Variants in SIPA1L1 observed in about 807,000 individuals in gnomAD.
The protein encoded by SIPA1L1 is signal-induced proliferation-associated 1-like protein 1.
In SIPA1L1, 26 loss-of-function variants were observed where a neutral mutation model predicts 162.7. The observed-to-expected ratio is 0.16, with a 90% confidence interval of 0.12 to 0.22. The LOEUF is 0.22. Ranked by LOEUF, SIPA1L1 falls within the 10% of genes least tolerant of loss-of-function variation. The pLI is 1.00. For missense variants in SIPA1L1, 1,874 were observed against 2,241.0 expected (o/e 0.84, Z 3.31); for synonymous variants, 829 against 837.4 (o/e 0.99, Z 0.17).
At chr14:71,477,084 A>C (rs987234092) in intron 2 of SIPA1L1, among the ~76,000 whole-genome samples, 6 of 152,044 alleles carry the variant, frequency 3.9e-5, no homozygotes, top group Non-Finnish European at 7.4e-5. Flanking sequence ...GTGAAACCCC[A>C]TCTCTAAAAA....
intron 2 of SIPA1L1, among the ~76,000 whole-genome samples, chr14:71,398,938 T>C (rs1348314912): frequency 6.6e-6 from 1 of 152,360 alleles, no homozygotes; most frequent in Non-Finnish European, 1.5e-5. Flanking sequence ...GTTTCATAAG[T>C]GTTTGAATTA....
At chr14:71,325,344 A>G (rs925864542) in intron 2 of SIPA1L1, among the ~76,000 whole-genome samples, 3 of 152,240 alleles carry the variant, frequency 2.0e-5, no homozygotes, top group South Asian at 4.1e-4. Context: ...CTTAAATGAT[A>G]GCTCATTTAT....
intron 2 of SIPA1L1, among the ~76,000 whole-genome samples, chr14:71,386,670 C>T (rs2040347630): frequency 6.6e-6 from 1 of 152,164 alleles, no homozygotes; most frequent in African/African-American, 2.4e-5. Context: ...CAGATGAACC[C>T]TGTTTTACTT....
At chr14:71,391,754 A>T (rs2040779490) in intron 2 of SIPA1L1, among the ~76,000 whole-genome samples, 2 of 152,200 alleles carry the variant, frequency 1.3e-5, no homozygotes, top group South Asian at 4.1e-4. Context: ...AGGAGAGTAC[A>T]TTTTAAGGAG....
At position 71,681,181 on chromosome 14, in the gene SIPA1L1, C is replaced by T. The variant is rs118165204; in HGVS notation, c.3105-4181C>T. On this transcript the variant is annotated intron_variant, in intron 12 of 23. Coordinates refer to ENST00000381232, the MANE Select transcript of SIPA1L1 (RefSeq NM_001386936.1). ...GTCCTGGTAGACTTCACTGGAAAAC[C>T]TCCCTGGAGTGAGCAGGCCCCTTAT... Among the ~76,000 whole-genome samples, 20 of 152,276 alleles carry T rather than the reference C, an allele frequency of 1.3e-4. No homozygotes were observed. In the East Asian group the frequency reaches 3.7e-3, roughly 28 times the overall value.
At chr14:71,683,383 T>G (rs2045982741) in intron 12 of SIPA1L1, among the ~76,000 whole-genome samples, 1 of 152,196 alleles carries the variant, frequency 6.6e-6, no homozygotes, top group South Asian at 2.1e-4. Flanking sequence ...AACAAGAGCA[T>G]TGCTGAGGAG....
At chr14:71,710,249 T>C (rs2082766107) in intron 17 of SIPA1L1, among the ~76,000 whole-genome samples, 1 of 152,216 alleles carries the variant, frequency 6.6e-6, no homozygotes, top group Non-Finnish European at 1.5e-5. Flanking sequence ...CCTTTCAGAA[T>C]AGGAAAGTAC....
At chr14:71,708,015 G>GT (rs34838057) in intron 16 of SIPA1L1, among the ~76,000 whole-genome samples, 338 of 100,042 alleles carry the variant, frequency 3.4e-3, no homozygotes, top group Middle Eastern at 8.6e-3. Context: ...GTTTTTTGGT[G>GT]TTTTTTTTTT....
intron 2 of SIPA1L1, among the ~76,000 whole-genome samples, chr14:71,418,532 G>A (rs995589438): frequency 3.3e-5 from 5 of 152,146 alleles, no homozygotes; most frequent in African/African-American, 1.2e-4. Flanking sequence ...GGTGACATGA[G>A]CATTTTTGAA....
intron 9 of SIPA1L1, 64 bp downstream of exon 9, chr14:71,658,500 G>A (rs2043250103): frequency 2.8e-6 from 3 of 1,066,340 alleles, no homozygotes; most frequent in East Asian, 2.4e-5. Flanking sequence ...AGCCTAAGTG[G>A]CAAGTTTGTA....
intron 2 of SIPA1L1, among the ~76,000 whole-genome samples, chr14:71,475,812 A>G (rs569609767): frequency 5.3e-5 from 8 of 152,230 alleles, no homozygotes; most frequent in Non-Finnish European, 7.3e-5. Context: ...TTTAATGGTT[A>G]TTATTGTGTT....
At chr14:71,578,689 A>G (rs765223356) in intron 4 of SIPA1L1, among the ~76,000 whole-genome samples, 12 of 152,222 alleles carry the variant, frequency 7.9e-5, no homozygotes, top group Non-Finnish European at 1.5e-4. Flanking sequence ...ACTTTACTGT[A>G]TTTGTCAGTA....
chr14:71,419,714 G>T (rs1430712831), intron 2 of SIPA1L1, among the ~76,000 whole-genome samples: 1 of 151,776 alleles, frequency 6.6e-6, no homozygotes, highest in Non-Finnish European at 1.5e-5. Context: ...AGCCAGGATG[G>T]TCTTGATCTC....
At chr14:71,440,607 C>T (rs1275848378) in intron 2 of SIPA1L1, among the ~76,000 whole-genome samples, 3 of 124,386 alleles carry the variant, frequency 2.4e-5, no homozygotes, top group African/African-American at 9.2e-5. Context: ...TGAGATCACA[C>T]CACTGCACTT....
intron 2 of SIPA1L1, among the ~76,000 whole-genome samples, chr14:71,504,731 A>G (rs1412921409): frequency 6.6e-6 from 1 of 152,232 alleles, no homozygotes; most frequent in African/African-American, 2.4e-5. Context: ...TGAAGTGAAG[A>G]AAAATGTGAA....
intron 2 of SIPA1L1, among the ~76,000 whole-genome samples, chr14:71,401,324 G>A (rs1014996928): frequency 6.6e-6 from 1 of 151,412 alleles, no homozygotes; most frequent in African/African-American, 2.4e-5. Context: ...TTGCCTCCAA[G>A]TTAATGGGAT....
intron 6 of SIPA1L1, among the ~76,000 whole-genome samples, chr14:71,619,988 C>G (rs537400783): frequency 6.6e-6 from 1 of 152,190 alleles, no homozygotes; most frequent in Non-Finnish European, 1.5e-5. Context: ...CACAAAGGCA[C>G]GAAGAACGTC....
intron 16 of SIPA1L1, among the ~76,000 whole-genome samples, chr14:71,708,422 T>G (rs2082637323): frequency 6.6e-6 from 1 of 151,702 alleles, no homozygotes; most frequent in South Asian, 2.1e-4. Context: ...CCTCCTGGGC[T>G]CAAGCGATCC....
chr14:71,575,956 T>G (rs910058711), intron 4 of SIPA1L1, among the ~76,000 whole-genome samples: 3 of 152,236 alleles, frequency 2.0e-5, no homozygotes, highest in Admixed American at 2.0e-4. Flanking sequence ...AACACAGATA[T>G]GTGTGAAATA....
Sources: gnomAD v4.1 joint callset for allele counts (sites outside exome capture counted in the v4.1 genomes callset) on GRCh38, gnomAD v4.1.1 for gene constraint, MANE v1.5 for transcripts, NCBI Gene and HGNC (gene_info 2026-07-23, HGNC 2026-07-21) for gene names.